The following TET1 variants were observed in gnomAD, a reference collection of about 807,000 sequenced individuals.
TET1 encodes the protein methylcytosine dioxygenase TET1.
TET1 carries 13 observed loss-of-function variants against 148.7 expected under a neutral mutation model. That is an observed-to-expected ratio of 0.09 (90% confidence interval 0.06 to 0.14). TET1 has a LOEUF of 0.14. Ranked by LOEUF, TET1 falls within the 10% of genes least tolerant of loss-of-function variation. The pLI, the probability that TET1 is intolerant of heterozygous loss-of-function variation, is 1.00. For missense variants in TET1, 2,182 were observed against 2,553.8 expected (o/e 0.85, Z 3.14); for synonymous variants, 907 against 937.2 (o/e 0.97, Z 0.59).
intron 3 of TET1, among the ~76,000 whole-genome samples, chr10:68,631,015 A>G (rs969614283): frequency 7.2e-5 from 11 of 151,830 alleles, no homozygotes; most frequent in African/African-American, 1.9e-4. Context: ...TGTCTCTACA[A>G]AAAATTTTAA....
intron 7 of TET1, among the ~76,000 whole-genome samples, chr10:68,672,483 A>G (rs2055285719): frequency 4.0e-5 from 3 of 75,728 alleles, no homozygotes; most frequent in East Asian, 7.6e-4. Flanking sequence ...GCTAGACCCC[A>G]TCTCAAAAAA....
chr10:68,659,717 G>C (rs2055078430), intron 6 of TET1, among the ~76,000 whole-genome samples: 1 of 152,146 alleles, frequency 6.6e-6, no homozygotes, highest in African/African-American at 2.4e-5. Context: ...CTTGCTTATA[G>C]AGTTCATTTT....
At chr10:68,634,837 C>T (rs1471194765) in intron 3 of TET1, among the ~76,000 whole-genome samples, 1 of 152,130 alleles carries the variant, frequency 6.6e-6, no homozygotes, top group Admixed American at 6.6e-5. Flanking sequence ...TGATAGCTCA[C>T]TGCATCCTCC....
At chr10:68,596,909 A>G (rs2053994790) in intron 2 of TET1, among the ~76,000 whole-genome samples, 1 of 152,052 alleles carries the variant, frequency 6.6e-6, no homozygotes, top group African/African-American at 2.4e-5. Flanking sequence ...TACAGTGAAA[A>G]CACCTGTCTT....
chr10:68,668,934 A>C (rs928396445), intron 7 of TET1, among the ~76,000 whole-genome samples: 1 of 152,050 alleles, frequency 6.6e-6, no homozygotes, highest in Non-Finnish European at 1.5e-5. Flanking sequence ...GCAGTGAACT[A>C]TGATGATGCC....
At chr10:68,674,240 G>A (rs1440900769) in intron 8 of TET1, 1 of 153,846 alleles carries the variant, frequency 6.5e-6, no homozygotes. Context: ...GCTGAGGTGG[G>A]AGGTTGGCTT....
intron 7 of TET1, among the ~76,000 whole-genome samples, chr10:68,672,541 G>T (rs527418140): frequency 7.1e-6 from 1 of 141,090 alleles, no homozygotes; most frequent in Admixed American, 7.1e-5. Context: ...AAAAACCCAG[G>T]TTCTTTATTT....
intron 2 of TET1, among the ~76,000 whole-genome samples, chr10:68,581,412 C>A (rs1390693989): frequency 1.3e-5 from 2 of 152,046 alleles, no homozygotes; most frequent in Non-Finnish European, 2.9e-5. Context: ...ATATGCACTA[C>A]CCTATTTATT....
intron 3 of TET1, among the ~76,000 whole-genome samples, chr10:68,604,124 G>T (rs772173149): frequency 9.2e-5 from 14 of 152,274 alleles, no homozygotes; most frequent in Non-Finnish European, 1.6e-4. Flanking sequence ...CTTCAATCAC[G>T]AACTTAGCCT....
chr10:68,595,771 C>G (rs997789056), intron 2 of TET1, among the ~76,000 whole-genome samples: 1 of 147,638 alleles, frequency 6.8e-6, no homozygotes, highest in Non-Finnish European at 1.5e-5. Flanking sequence ...GCAAGCGCCA[C>G]CAGGTCTGGC....
chr10:68,620,771 C>G (rs1323861947), intron 3 of TET1, among the ~76,000 whole-genome samples: 2 of 152,182 alleles, frequency 1.3e-5, no homozygotes, highest in Non-Finnish European at 2.9e-5. Context: ...GCAGCTTCAT[C>G]CTTTTATGTT....
At chr10:68,678,318 TA>T (rs2055391536) in intron 8 of TET1, among the ~76,000 whole-genome samples, 1 of 152,192 alleles carries the variant, frequency 6.6e-6, no homozygotes, top group Non-Finnish European at 1.5e-5. Flanking sequence ...TCAGTTTAGA[TA>T]TATTGGTATT....
chr10:68,611,664 C>A (rs930060658), intron 3 of TET1, among the ~76,000 whole-genome samples: 1 of 142,136 alleles, frequency 7.0e-6, no homozygotes, highest in African/African-American at 2.5e-5. Context: ...CTTTTCTTTT[C>A]TTTTCTTTTC....
At chr10:68,688,565 G>T (rs1282730456) in intron 11 of TET1, among the ~76,000 whole-genome samples, 1 of 151,350 alleles carries the variant, frequency 6.6e-6, no homozygotes, top group Non-Finnish European at 1.5e-5. Context: ...CTCCCGAGTA[G>T]CTGGGACTAC....
At chr10:68,676,616 T>C (rs2055366032) in intron 8 of TET1, among the ~76,000 whole-genome samples, 1 of 151,730 alleles carries the variant, frequency 6.6e-6, no homozygotes, top group South Asian at 2.1e-4. Flanking sequence ...GATTTCATCA[T>C]ATTGGCCAGG....
At chr10:68,569,166 C>CTTTTTTTTTTTTTTTTTTTTTTTTTT (rs34385747) in intron 1 of TET1, among the ~76,000 whole-genome samples, 3 of 69,778 alleles carry the variant, frequency 4.3e-5, no homozygotes, top group African/African-American at 1.1e-4. Context: ...AGGAGAGTTT[C>CTTTTTTTTTTTTTTTTTTTTTTTTTT]TTTTTTTTTT....
rs2054595727 is a variant in TET1, at chr10:68,632,847, A to AG, written c.1969-11851_1969-11850insG. 21 of 810,282 alleles carry AG rather than the reference A, an allele frequency of 2.6e-5. No individual in the cohort carries two copies. In the South Asian group the frequency reaches 3.8e-4, roughly 15 times the overall value. The allele number at this position is 810,282 out of a possible 1,614,324, so 50.2% of individuals were successfully genotyped here. On this transcript the variant is annotated intron_variant, in intron 3 of 11. Coordinates refer to ENST00000373644, the MANE Select transcript of TET1 (RefSeq NM_030625.3). The stretch of plus-strand genomic sequence containing the variant: ...AAAGTTTAAGTTGTAAAAAAAAAAA[A>AG]AAAAAGAAAGAAAACAAAATTGTCT...
chr10:68,607,418 T>G (rs1057208511), intron 3 of TET1, among the ~76,000 whole-genome samples: 10 of 151,946 alleles, frequency 6.6e-5, no homozygotes, highest in African/African-American at 2.4e-4. Context: ...GTTTTTTTTT[T>G]TTGTTTTTTT....
At chr10:68,636,425 G>C (rs890796662) in intron 3 of TET1, among the ~76,000 whole-genome samples, 2 of 152,120 alleles carry the variant, frequency 1.3e-5, no homozygotes, top group African/African-American at 4.8e-5. Context: ...TGGAGTTCTC[G>C]TTTGGGGTAG....
Sources: gnomAD v4.1 joint callset for allele counts (sites outside exome capture counted in the v4.1 genomes callset) on GRCh38, gnomAD v4.1.1 for gene constraint, MANE v1.5 for transcripts, NCBI Gene and HGNC (gene_info 2026-07-23, HGNC 2026-07-21) for gene names.